Variants in AKAP8L observed in about 807,000 individuals in gnomAD.
The protein encoded by AKAP8L is A-kinase anchoring protein 8 like.
A neutral mutation model predicts 77.5 loss-of-function variants in AKAP8L; 34 were observed. The ratio of observed to expected loss-of-function variants is 0.44; its 90% CI spans 0.33 to 0.58. The LOEUF (loss-of-function observed/expected upper bound fraction) is 0.58. Among genes scored for constraint, AKAP8L ranks in the 20% least tolerant of loss-of-function variants. AKAP8L has a pLI of 0.02. For synonymous variants in AKAP8L, 342 were observed against 340.7 expected, an observed-to-expected ratio of 1.00 and a Z score of -0.04; for missense variants, 806 against 887.6, an observed-to-expected ratio of 0.91 and a Z score of 1.17.
chr19:15,400,301 CTGG>C lies in AKAP8L; in HGVS notation c.1039_1041del (p.Pro347del), dbSNP rs1314028528. On this transcript the variant is annotated inframe_deletion, in exon 8 of 14. Transcript: ENST00000397410. ...GCACCCCAGGAAAACTCACCCTTCT[CTGG>C]ATCCTCTTTGCCTTCTTCTCTCCCA... is the stretch of plus-strand genomic sequence containing the variant. 1 of 1,613,878 alleles carries C rather than the reference CTGG, an allele frequency of 6.2e-7. No individual in the cohort carries two copies. The highest frequency in any genetic ancestry group is 2.2e-5 in the East Asian group (1 of 44,898).
rs1967362189 is a variant in AKAP8L, at chr19:15,380,062, A to C, written c.*60T>G. Reference sequence around the variant, plus strand: ...AGAAACCCGGAGGTGGGATGGGAAAACTTTATTAGGTTTGGTTTCCAGCTT... The same window carrying C: ...AGAAACCCGGAGGTGGGATGGGAAACCTTTATTAGGTTTGGTTTCCAGCTT... On this transcript the variant is annotated 3_prime_UTR_variant, in exon 14 of 14. Transcript: ENST00000397410. The C allele has an allele frequency of 3.5e-6, 5 of 1,419,352 alleles. No individual in the cohort carries two copies. The South Asian group carries it at 7.3e-5, about 21-fold the overall frequency. 87.9% of individuals were successfully genotyped at this position (1,419,352 alleles called of 1,614,324 possible).
At chr19:15,408,063 G>A (rs1182322076) in intron 2 of AKAP8L, among the ~76,000 whole-genome samples, 1 of 152,220 alleles carries the variant, frequency 6.6e-6, no homozygotes, top group Non-Finnish European at 1.5e-5. Context: ...GGGAGGCCGA[G>A]GCAGGTGGAT....
intron 1 of AKAP8L, among the ~76,000 whole-genome samples, chr19:15,416,141 A>T (rs1471808082): frequency 1.3e-5 from 2 of 151,402 alleles, no homozygotes; most frequent in Non-Finnish European, 2.9e-5. Flanking sequence ...AAAAAAAAAG[A>T]GTCTTATTTG....
chr19:15,398,112 G>A lies in AKAP8L; in HGVS notation c.1158-257C>T, dbSNP rs909479185. The A allele has an allele frequency of 5.9e-6, 3 of 506,200 alleles. No individual in the cohort carries two copies. The highest frequency in any genetic ancestry group is 1.1e-5 in the Non-Finnish European group (3 of 280,400). The allele number at this position is 506,200 out of a possible 1,614,324, so 31.4% of individuals were successfully genotyped here. On this transcript the variant is annotated intron_variant, in intron 9 of 13. Coordinates refer to ENST00000397410, the MANE Select transcript of AKAP8L (RefSeq NM_014371.4). This position sits in a 1 kb window ranked among gnomAD's most constrained non-coding sequence, Gnocchi z 9.2. ...CCACAGGCAGGAGGCTGAAGCCTGA[G>A]ACAGCAGCTGCTGCAACAGGCAACG... is the stretch of plus-strand genomic sequence containing the variant.
rs1967816495 is a variant in AKAP8L at position 15,398,139 on chromosome 19, G to A, written c.1158-284C>T. ...CAGCAGCTGCTGCAACAGGCAACGA[G>A]TCGCTGGAAAGTTGCTGGAGGGCCT... On this transcript the variant is annotated intron_variant, in intron 9 of 13. Coordinates refer to ENST00000397410, the MANE Select transcript of AKAP8L (RefSeq NM_014371.4). This position sits in a 1 kb window ranked among gnomAD's most constrained non-coding sequence, Gnocchi z 9.2. 2 of 462,212 alleles carry A rather than the reference G, an allele frequency of 4.3e-6. No individual in the cohort carries two copies. Among genetic ancestry groups the A allele is most frequent in the South Asian group, 4.8e-5 (2 of 42,004 alleles). The allele number at this position is 462,212 out of a possible 1,614,324, so 28.6% of individuals were successfully genotyped here.
At chr19:15,391,365 G>A (rs1470297416) in intron 12 of AKAP8L, among the ~76,000 whole-genome samples, 1 of 143,008 alleles carries the variant, frequency 7.0e-6, no homozygotes, top group African/African-American at 2.6e-5. Context: ...GGCTGAGGCA[G>A]GAGAATGGCG....
Position 15,399,935 on chromosome 19 carries a change from G to A in AKAP8L, c.1048+360C>T, listed in dbSNP as rs570254217. 3.6e-5 allele frequency: 14 copies of A among 384,252 alleles called. No homozygotes were observed. The East Asian group carries it at 4.3e-4, about 12-fold the overall frequency. The allele number at this position is 384,252 out of a possible 1,614,324, so 23.8% of individuals were successfully genotyped here. On this transcript the variant is annotated intron_variant, in intron 8 of 13. Transcript: ENST00000397410. The surrounding 1 kb of genome is among the most constrained non-coding windows in gnomAD (Gnocchi z 6.1). ...ACACCAGAGCCGTAAAAACTGCACC[G>A]AGGGTCCCAGATCGGACACCAGCCA...
chr19:15,418,496 A>T (rs998966529), intron 1 of AKAP8L, among the ~76,000 whole-genome samples: 1 of 150,560 alleles, frequency 6.6e-6, no homozygotes, highest in African/African-American at 2.4e-5. Context: ...TTTTGCAGAG[A>T]AACTGCGCGG....
At chr19:15,400,053 G>A (rs1967859256) in intron 8 of AKAP8L, 2 of 571,334 alleles carry the variant, frequency 3.5e-6, no homozygotes, top group Admixed American at 3.1e-5. Flanking sequence ...CCATCTGAAG[G>A]CAAAACCAGT....
At chr19:15,389,297 C>G (rs1213008388) in intron 12 of AKAP8L, among the ~76,000 whole-genome samples, 1 of 145,766 alleles carries the variant, frequency 6.9e-6, no homozygotes, top group Non-Finnish European at 1.5e-5. Flanking sequence ...ATCTGCAGAA[C>G]AGAGGGAAAA....
intron 7 of AKAP8L, 52 bp downstream of exon 7, chr19:15,400,742 A>C (rs771540787): frequency 6.2e-7 from 1 of 1,602,302 alleles, no homozygotes. Context: ...ACCACTCTTT[A>C]GGCCAGCTCG....
intron 1 of AKAP8L, among the ~76,000 whole-genome samples, chr19:15,414,377 A>G (rs1196706054): frequency 6.6e-6 from 1 of 150,670 alleles, no homozygotes; most frequent in Non-Finnish European, 1.5e-5. Context: ...GCTGGTTTGT[A>G]AAGTGTTCTC....
In AKAP8L at chr19:15,400,434, A is replaced by G. The variant is rs189351530; in HGVS notation, c.985-76T>C. The G allele has an allele frequency of 2.2e-5, 31 of 1,420,574 alleles. No homozygotes were observed. The East Asian group carries it at 7.0e-4, about 32-fold the overall frequency. 88.0% of individuals were successfully genotyped at this position (1,420,574 alleles called of 1,614,324 possible). A position where few individuals can be genotyped will look rare whatever the true frequency, so the allele number is the denominator to read the frequency against. ...TAAAAGAAACCAAGTTTATTAGAGC[A>G]ACGGTATATAGTAAAACAGCTGCTT... On this transcript the variant is annotated intron_variant, in intron 7 of 13. Transcript: ENST00000397410.
chr19:15,408,899 G>C (rs1049104922), intron 2 of AKAP8L, among the ~76,000 whole-genome samples: 1 of 151,388 alleles, frequency 6.6e-6, no homozygotes, highest in African/African-American at 2.4e-5. Context: ...AAGAAAAAAT[G>C]GTTTTGTTTT....
At chr19:15,409,443 C>T (rs1329192118) in intron 2 of AKAP8L, among the ~76,000 whole-genome samples, 1 of 152,178 alleles carries the variant, frequency 6.6e-6, no homozygotes, top group Non-Finnish European at 1.5e-5. Flanking sequence ...TTAAGTCTTC[C>T]CTTTTCCTGG....
chr19:15,401,681 A>G lies in AKAP8L; in HGVS notation c.363-78T>C, dbSNP rs978829484. ...CCAGGCAACTGCTCCTGCCCTCCCC[A>G]ATCTCCCAGTCCAGCACCCACCCTG... On this transcript the variant is annotated intron_variant, in intron 4 of 13. Coordinates refer to ENST00000397410, the MANE Select transcript of AKAP8L (RefSeq NM_014371.4). This position sits in a 1 kb window ranked among gnomAD's most constrained non-coding sequence, Gnocchi z 6.2. 100 of 1,190,682 alleles carry G rather than the reference A, an allele frequency of 8.4e-5. 1 individual carries two copies. Among genetic ancestry groups the G allele is most frequent in the Non-Finnish European group, 1.1e-4 (97 of 857,730 alleles). 73.8% of individuals were successfully genotyped at this position (1,190,682 alleles called of 1,614,324 possible).
At chr19:15,400,381 T>G in intron 7 of AKAP8L, 23 bp from the exon 8 acceptor site, 1 of 1,581,704 alleles carries the variant, frequency 6.3e-7, no homozygotes, top group Non-Finnish European at 8.5e-7. Flanking sequence ...AATTCCAACT[T>G]TAAAACAGGT....
At position 15,401,756 on chromosome 19, in the gene AKAP8L, C is replaced by T. The variant is rs1045121815; in HGVS notation, c.363-153G>A. Among the ~76,000 whole-genome samples, 3 of 152,192 alleles carry T rather than the reference C, an allele frequency of 2.0e-5. No individual in the cohort carries two copies. Among genetic ancestry groups the T allele is most frequent in the African/African-American group, 7.2e-5 (3 of 41,428 alleles). ...AGAAATGCCGATTAAAGAGTTCCAG[C>T]CTCTCAGCTGATATAGGGGCACCAC... On this transcript the variant is annotated intron_variant, in intron 4 of 13. Transcript: ENST00000397410. The surrounding 1 kb of genome is among the most constrained non-coding windows in gnomAD (Gnocchi z 6.2).
chr19:15,407,401 T>C (rs543881309), intron 2 of AKAP8L, among the ~76,000 whole-genome samples: 10 of 152,342 alleles, frequency 6.6e-5, no homozygotes, highest in African/African-American at 2.2e-4. Flanking sequence ...TATTTAAATG[T>C]TATATTGTTC....
Sources: allele counts gnomAD v4.1 joint callset (sites outside exome capture counted in the v4.1 genomes callset), GRCh38; gene constraint gnomAD v4.1.1; non-coding constraint Gnocchi (gnomAD v3.1); transcripts MANE v1.5; gene names NCBI Gene and HGNC (gene_info 2026-07-23, HGNC 2026-07-21).